Variants in NCOA3 observed in about 807,000 individuals in gnomAD.
The protein encoded by NCOA3 is CBP-interacting protein.
In NCOA3, 51 loss-of-function variants were observed where a neutral mutation model predicts 158.8. The ratio of observed to expected loss-of-function variants is 0.32; its 90% CI spans 0.26 to 0.41. The LOEUF (loss-of-function observed/expected upper bound fraction) is 0.41. Ranked by LOEUF, NCOA3 falls within the 10% of genes least tolerant of loss-of-function variation. NCOA3 has a pLI of 1.00. For synonymous variants in NCOA3, 537 were observed against 592.4 expected (o/e 0.91, Z 1.36); for missense variants, 1,510 against 1,746.6 (o/e 0.86, Z 2.41).
rs1447554192 is a variant in NCOA3 at position 47,639,617 on chromosome 20, C to T, written c.2748C>T (p.Ser916=). The T allele has an allele frequency of 1.2e-6, 2 of 1,613,854 alleles. No individual in the cohort carries two copies. Among genetic ancestry groups the T allele is most frequent in the Admixed American group, 1.7e-5 (1 of 60,028 alleles). The change falls in exon 15 of 23, where the codon TCC becomes TCT. Residue 916 remains serine, a synonymous_variant. Transcript: ENST00000371998. Reference sequence around the variant, plus strand: ...ATGTGACTGTGACTCAGACTCCTTCCTCAGGAGACTGGGGCTTACCAAACT... The same window carrying T: ...ATGTGACTGTGACTCAGACTCCTTCTTCAGGAGACTGGGGCTTACCAAACT... ...NRNVTVTQTP[S]SGDWGLPNSK... is the part of the protein sequence containing the mutation.
intron 1 of NCOA3, among the ~76,000 whole-genome samples, chr20:47,511,550 T>TATATATATATATATATACATACATAC: frequency 3.1e-4 from 16 of 52,270 alleles, no homozygotes; most frequent in South Asian, 9.4e-4. Context: ...TATATATATA[T>TATATATATATATATATACATACATAC]ATATATTTCT....
intron 2 of NCOA3, among the ~76,000 whole-genome samples, chr20:47,606,660 A>ATGG (rs773914187): frequency 7.9e-5 from 12 of 152,206 alleles, no homozygotes; most frequent in Non-Finnish European, 8.8e-5. Flanking sequence ...CCAAAGTATG[A>ATGG]TGGCTGTCTC....
chr20:47,594,275 A>G (rs1323045269), intron 2 of NCOA3, among the ~76,000 whole-genome samples: 1 of 152,150 alleles, frequency 6.6e-6, no homozygotes, highest in Non-Finnish European at 1.5e-5. Flanking sequence ...ATTTTCTATG[A>G]TTGACGGATC....
chr20:47,629,931 G>A (rs1213925111), intron 8 of NCOA3, among the ~76,000 whole-genome samples: 4 of 152,104 alleles, frequency 2.6e-5, no homozygotes, highest in Non-Finnish European at 5.9e-5. Context: ...AAAGAAAACA[G>A]GACATGATGG....
At chr20:47,624,429 G>T (rs2086289869) in intron 4 of NCOA3, among the ~76,000 whole-genome samples, 1 of 152,182 alleles carries the variant, frequency 6.6e-6, no homozygotes, top group South Asian at 2.1e-4. Context: ...CTCGCATGTG[G>T]AGTTCACATT....
intron 17 of NCOA3, 99 bp from the exon 18 acceptor site, chr20:47,646,974 T>A: frequency 9.6e-7 from 1 of 1,045,142 alleles, no homozygotes; most frequent in Non-Finnish European, 1.4e-6. Context: ...CTTAAATACT[T>A]GTTGAATGAC....
chr20:47,586,944 C>T lies in NCOA3; in HGVS notation c.-20+3683C>T, dbSNP rs186036505. Among the ~76,000 whole-genome samples, 4 of 152,296 alleles carry T rather than the reference C, an allele frequency of 2.6e-5. No individual in the cohort carries two copies. In the East Asian group the frequency reaches 7.7e-4, roughly 29 times the overall value. On this transcript the variant is annotated intron_variant, in intron 2 of 22. Transcript: ENST00000371998. The stretch of plus-strand genomic sequence containing the variant: ...GCCAAGGTGTTGCCAGATTTCTCCA[C>T]CATTTGGTTTTTTTGCCCTCTCTTT...
At chr20:47,518,464 C>G (rs1179941158) in intron 1 of NCOA3, among the ~76,000 whole-genome samples, 1 of 143,598 alleles carries the variant, frequency 7.0e-6, no homozygotes, top group Non-Finnish European at 1.5e-5. Flanking sequence ...TTGTTGCCTG[C>G]CCAGGCTGCA....
intron 10 of NCOA3, among the ~76,000 whole-genome samples, chr20:47,635,046 A>G (rs1568743081): frequency 2.0e-5 from 3 of 150,666 alleles, no homozygotes; most frequent in Non-Finnish European, 4.4e-5. Flanking sequence ...CTCCCACCGC[A>G]GCCTCCTGAA....
At chr20:47,637,372 G>C (rs916020135) in intron 12 of NCOA3, among the ~76,000 whole-genome samples, 4 of 152,172 alleles carry the variant, frequency 2.6e-5, no homozygotes, top group African/African-American at 9.7e-5. Flanking sequence ...GCTAGTGACT[G>C]TTACCTGCAA....
rs750382664 is a variant in NCOA3 at position 47,628,015 on chromosome 20, A to G, written c.815A>G (p.Asp272Gly). The G allele has an allele frequency of 2.5e-6, 4 of 1,612,288 alleles. No individual in the cohort carries two copies. The highest frequency in any genetic ancestry group is 2.5e-6 in the Non-Finnish European group (3 of 1,178,430). The part of the protein sequence containing the change: ...SNPESFITRH[D>G]LSGKVVNIDT... Reference sequence around the variant, plus strand: ...CCTGAGAGCTTTATTACCAGACATGATCTTTCAGGTAAAAACTCTTTTTTT... The same window carrying G: ...CCTGAGAGCTTTATTACCAGACATGGTCTTTCAGGTAAAAACTCTTTTTTT... The change falls in exon 8 of 23, where the codon GAT becomes GGT. Residue 272 changes from aspartate to glycine, a missense_variant. This residue lies in a region of NCOA3 where 309 missense variants were observed against 427.1 expected (regional missense o/e 0.72). Transcript: ENST00000371998.
At position 47,639,704 on chromosome 20, in the gene NCOA3, T is replaced by C. The variant is rs151116158; in HGVS notation, c.2835T>C (p.Tyr945=). Residue 945 remains tyrosine (Y), a synonymous_variant, in exon 15 of 23, where the codon TAT becomes TAC. Transcript: ENST00000371998. The part of the protein sequence containing the change: ...SNSMGRPGGD[Y]NTSLPRPALG... ...CCATGGGAAGACCAGGAGGAGATTA[T>C]AATACTTCTTTACCCAGACCTGCAC... The C allele has an allele frequency of 6.9e-5, 111 of 1,614,046 alleles. No homozygotes were observed. The highest frequency in any genetic ancestry group is 9.3e-5 in the Non-Finnish European group (110 of 1,180,026).
At chr20:47,647,736 GATGTTTT>G (rs1435701904) in intron 18 of NCOA3, among the ~76,000 whole-genome samples, 1 of 151,908 alleles carries the variant, frequency 6.6e-6, no homozygotes, top group Non-Finnish European at 1.5e-5. Flanking sequence ...CTTCTTTCTA[GATGTTTT>G]ATAAAACTAG....
chr20:47,544,632 T>A (rs1220006318), intron 1 of NCOA3, among the ~76,000 whole-genome samples: 2 of 152,212 alleles, frequency 1.3e-5, no homozygotes, highest in East Asian at 3.8e-4. Context: ...AATTACCTAG[T>A]AACTTCTTTT....
chr20:47,601,903 G>A (rs1230617479), intron 2 of NCOA3, among the ~76,000 whole-genome samples: 1 of 152,140 alleles, frequency 6.6e-6, no homozygotes, highest in Non-Finnish European at 1.5e-5. Flanking sequence ...AGGATAACAG[G>A]GGGAGCCATA....
chr20:47,549,097 C>T (rs779874916), intron 1 of NCOA3, among the ~76,000 whole-genome samples: 2 of 151,968 alleles, frequency 1.3e-5, no homozygotes, highest in Non-Finnish European at 1.5e-5. Context: ...AGGGTGGTCT[C>T]GAGCTCTTGG....
intron 1 of NCOA3, among the ~76,000 whole-genome samples, chr20:47,539,236 G>A (rs1443661602): frequency 6.6e-6 from 1 of 152,094 alleles, no homozygotes; most frequent in Non-Finnish European, 1.5e-5. Flanking sequence ...TAAGCTACTT[G>A]ATAAGGTGGT....
chr20:47,501,899 C>G lies in NCOA3; in HGVS notation c.-219C>G, dbSNP rs959649147. The G allele has an allele frequency of 7.5e-6, 3 of 399,854 alleles. No individual in the cohort carries two copies. In the East Asian group the frequency reaches 1.1e-4, roughly 14 times the overall value. 24.8% of individuals were successfully genotyped at this position (399,854 alleles called of 1,614,324 possible). ...GTGCGGCGACTTTAGCTGCTGCTGT[C>G]TCAGCCGCTCCACAGCGACGGCAGC... On this transcript the variant is annotated 5_prime_UTR_variant, in exon 1 of 23. Transcript: ENST00000371998.
intron 1 of NCOA3, among the ~76,000 whole-genome samples, chr20:47,561,709 A>C (rs569156907): frequency 5.9e-5 from 9 of 152,114 alleles, no homozygotes; most frequent in Non-Finnish European, 1.3e-4. Flanking sequence ...TTCCTCCATT[A>C]TCAGCAACTC....
Sources: allele counts gnomAD v4.1 joint callset (sites outside exome capture counted in the v4.1 genomes callset), GRCh38; gene constraint gnomAD v4.1.1; regional missense constraint gnomAD v4.1.1; transcripts MANE v1.5; gene names NCBI Gene and HGNC (gene_info 2026-07-23, HGNC 2026-07-21).